The following CAST variants were observed in gnomAD, a reference collection of about 807,000 sequenced individuals.
CAST encodes the protein MIR583 host.
In CAST, 76 loss-of-function variants were observed where a neutral mutation model predicts 119.6. The ratio of observed to expected loss-of-function variants is 0.64; its 90% CI spans 0.53 to 0.77. CAST has a LOEUF of 0.77. Ranked by LOEUF, CAST falls within the 30% of genes least tolerant of loss-of-function variation. The pLI is 0.00. For synonymous variants in CAST, 319 were observed against 331.6 expected (o/e 0.96, Z 0.41); for missense variants, 953 against 946.5 (o/e 1.01, Z -0.09).
intron 31 of CAST, 170 bp downstream of exon 31, chr5:96,771,872 C>A: frequency 2.2e-6 from 1 of 449,030 alleles, no homozygotes; most frequent in Non-Finnish European, 4.0e-6. Flanking sequence ...TCTCTGAAAG[C>A]ACTAAATGGG....
the CAST span, among the ~76,000 whole-genome samples, chr5:96,280,495 G>A: frequency 1.3e-5 from 2 of 152,168 alleles, no homozygotes; most frequent in East Asian, 3.9e-4. Context: ...GTCTCTGTAC[G>A]GAGAGAGCCA....
At chr5:96,458,572 A>G in the CAST span, among the ~76,000 whole-genome samples, 1 of 152,152 alleles carries the variant, frequency 6.6e-6, no homozygotes, top group East Asian at 1.9e-4. Flanking sequence ...AAAAAGTAAG[A>G]ATGGATATAA....
At chr5:96,356,045 G>T in the CAST span, among the ~76,000 whole-genome samples, 7 of 152,000 alleles carry the variant, frequency 4.6e-5, no homozygotes, top group Non-Finnish European at 8.8e-5. Flanking sequence ...GGCATGAGAT[G>T]GTATCTCATT....
the CAST span, chr5:96,412,428 G>T: frequency 2.5e-5 from 41 of 1,613,746 alleles, 2 homozygotes; most frequent in South Asian, 4.4e-4. Flanking sequence ...ACGTGTCCAG[G>T]ATTGAATCCA....
chr5:95,965,475 A>G, the CAST span, among the ~76,000 whole-genome samples: 2 of 152,238 alleles, frequency 1.3e-5, no homozygotes, highest in Non-Finnish European at 2.9e-5. Flanking sequence ...ACTCATCTAT[A>G]CAAAAAGTTA....
chr5:96,405,677 AAAAAG>A, the CAST span, among the ~76,000 whole-genome samples: 1 of 152,176 alleles, frequency 6.6e-6, no homozygotes, highest in Non-Finnish European at 1.5e-5. Flanking sequence ...TCTCCAAAAG[AAAAAG>A]AAAAGGAAAG....
the CAST span, among the ~76,000 whole-genome samples, chr5:96,280,335 T>TA: frequency 6.6e-6 from 1 of 152,202 alleles, no homozygotes; most frequent in African/African-American, 2.4e-5. Flanking sequence ...AGATGATTCA[T>TA]ATTAGGATAA....
At chr5:96,393,996 A>G in the CAST span, among the ~76,000 whole-genome samples, 1 of 152,208 alleles carries the variant, frequency 6.6e-6, no homozygotes, top group Non-Finnish European at 1.5e-5. Context: ...ACTGTGAAGA[A>G]AAGTACTCAG....
chr5:96,601,701 C>A (rs1747155473), intron 1 of CAST, among the ~76,000 whole-genome samples: 1 of 152,084 alleles, frequency 6.6e-6, no homozygotes, highest in Non-Finnish European at 1.5e-5. Flanking sequence ...TTGTACATTT[C>A]CTTTGTGCAT....
the CAST span, among the ~76,000 whole-genome samples, chr5:96,485,845 T>C: frequency 6.6e-6 from 1 of 152,160 alleles, no homozygotes; most frequent in Non-Finnish European, 1.5e-5. Context: ...GAAGCATCCT[T>C]ATTTGTGAAC....
chr5:96,077,193 C>T, the CAST span, among the ~76,000 whole-genome samples: 10 of 151,964 alleles, frequency 6.6e-5, no homozygotes, highest in African/African-American at 2.4e-4. Context: ...ATATTGACAT[C>T]TTAACATATA....
the CAST span, among the ~76,000 whole-genome samples, chr5:96,291,780 C>T: frequency 4.0e-5 from 6 of 151,574 alleles, no homozygotes; most frequent in Non-Finnish European, 5.9e-5. Context: ...CCATAGGATC[C>T]TCCCTGTAAG....
chr5:96,367,285 G>C, the CAST span, among the ~76,000 whole-genome samples: 4 of 123,542 alleles, frequency 3.2e-5, no homozygotes, highest in Middle Eastern at 4.1e-3. Flanking sequence ...ACCCACTTGA[G>C]GGGGCAGTCT....
At chr5:95,975,052 C>T in the CAST span, among the ~76,000 whole-genome samples, 2 of 152,104 alleles carry the variant, frequency 1.3e-5, no homozygotes, top group African/African-American at 2.4e-5. Flanking sequence ...GTACCAGTGG[C>T]ATGCATGGGC....
At chr5:96,190,615 T>G in the CAST span, among the ~76,000 whole-genome samples, 1 of 152,220 alleles carries the variant, frequency 6.6e-6, no homozygotes, top group Non-Finnish European at 1.5e-5. Flanking sequence ...TCATTCCCCT[T>G]TGAATTTCTT....
chr5:96,136,469 G>A, the CAST span, among the ~76,000 whole-genome samples: 9 of 152,224 alleles, frequency 5.9e-5, no homozygotes, highest in Non-Finnish European at 1.2e-4. Flanking sequence ...TCTCCAAGGA[G>A]CCCTGGTTCC....
At chr5:96,126,349 G>C in the CAST span, among the ~76,000 whole-genome samples, 1 of 151,982 alleles carries the variant, frequency 6.6e-6, no homozygotes, top group Non-Finnish European at 1.5e-5. Flanking sequence ...TGATGTTTTT[G>C]TTCCATTCGT....
At chr5:96,211,260 C>A in the CAST span, among the ~76,000 whole-genome samples, 2 of 151,896 alleles carry the variant, frequency 1.3e-5, no homozygotes, top group Admixed American at 1.3e-4. Context: ...TGAGGGAAAG[C>A]GTTAAATTTT....
At chr5:96,080,578 A>G in the CAST span, among the ~76,000 whole-genome samples, 2 of 152,232 alleles carry the variant, frequency 1.3e-5, no homozygotes, top group Non-Finnish European at 2.9e-5. Context: ...TGTTACATGC[A>G]GGGATTAGAT....
Sources: allele counts gnomAD v4.1 joint callset (sites outside exome capture counted in the v4.1 genomes callset), GRCh38; gene constraint gnomAD v4.1.1; transcripts MANE v1.5; gene names NCBI Gene and HGNC (gene_info 2026-07-23, HGNC 2026-07-21).